The following GARRE1 variants were observed in gnomAD, a reference collection of about 807,000 sequenced individuals.
GARRE1 encodes the protein granule associated Rac and RHOG effector protein 1.
Under a neutral mutation model 103.2 loss-of-function variants are expected in GARRE1, and 49 were observed. The ratio of observed to expected loss-of-function variants is 0.47; its 90% CI spans 0.38 to 0.60. GARRE1 has a LOEUF of 0.60. Among genes scored for constraint, GARRE1 ranks in the 20% least tolerant of loss-of-function variants. GARRE1 has a pLI of 0.00. For missense variants in GARRE1, 1,199 were observed against 1,370.5 expected, an observed-to-expected ratio of 0.87 and a Z score of 1.98; for synonymous variants, 505 against 532.8, an observed-to-expected ratio of 0.95 and a Z score of 0.72.
chr19:34,332,117 G>A (rs2074140774), intron 7 of GARRE1, among the ~76,000 whole-genome samples: 1 of 152,102 alleles, frequency 6.6e-6, no homozygotes, highest in Non-Finnish European at 1.5e-5. Context: ...AGCTATTGAG[G>A]GTATACTGTC....
chr19:34,345,775 T>G (rs1049839530), intron 10 of GARRE1, among the ~76,000 whole-genome samples: 2 of 152,218 alleles, frequency 1.3e-5, no homozygotes. Context: ...TGAGCTGAGA[T>G]CACGCCACTG....
At chr19:34,351,380 A>G in intron 12 of GARRE1, 134 bp from the exon 13 acceptor site, 2 of 680,950 alleles carry the variant, frequency 2.9e-6, no homozygotes, top group Non-Finnish European at 5.3e-6. Context: ...CCTTTATGCC[A>G]TTGACCCAGG....
chr19:34,300,356 C>G lies in GARRE1; in HGVS notation c.-118C>G, dbSNP rs1267945880. 6.6e-6 allele frequency: 8 copies of G among 1,205,434 alleles called. No individual in the cohort carries two copies. The highest frequency in any genetic ancestry group is 8.0e-6 in the Non-Finnish European group (7 of 871,628). 74.7% of individuals were successfully genotyped at this position (1,205,434 alleles called of 1,614,324 possible). On this transcript the variant is annotated 5_prime_UTR_variant, in exon 2 of 14. Transcript: ENST00000299505. ...CATGGTCACCTGCCTCATGGAAATG[C>G]CTTTTTTAAAACTTCGATTTGCAGA...
chr19:34,343,044 A>G (rs2074194652), intron 10 of GARRE1, among the ~76,000 whole-genome samples: 1 of 152,240 alleles, frequency 6.6e-6, no homozygotes, highest in South Asian at 2.1e-4. Flanking sequence ...AAAGAAAAAT[A>G]GAGTAGAAAT....
At chr19:34,315,763 G>A (rs1046059927) in intron 2 of GARRE1, among the ~76,000 whole-genome samples, 1 of 149,270 alleles carries the variant, frequency 6.7e-6, no homozygotes, top group African/African-American at 2.5e-5. Flanking sequence ...AAATGGGAAG[G>A]CCTTAAATTA....
intron 10 of GARRE1, among the ~76,000 whole-genome samples, chr19:34,346,415 G>T (rs1194804495): frequency 6.6e-6 from 1 of 152,086 alleles, no homozygotes; most frequent in Non-Finnish European, 1.5e-5. Context: ...AAGATGTTCA[G>T]ATGGAATGAG....
chr19:34,307,690 TATATATACATATATAC>T (rs1427922638), intron 2 of GARRE1, among the ~76,000 whole-genome samples: 7 of 50,738 alleles, frequency 1.4e-4, no homozygotes, highest in African/African-American at 2.5e-4. Flanking sequence ...CATATATACT[TATATATACATATATAC>T]TTATATATAT....
chr19:34,291,168 A>G (rs138589430), intron 1 of GARRE1, among the ~76,000 whole-genome samples: 1,821 of 152,116 alleles, frequency 0.012, 95 homozygotes, highest in Admixed American at 0.09. Context: ...TCAGCCTCCC[A>G]AAGTGCTGGG....
At chr19:34,337,794 A>C (rs1237467698) in intron 8 of GARRE1, among the ~76,000 whole-genome samples, 2 of 152,246 alleles carry the variant, frequency 1.3e-5, no homozygotes, top group Non-Finnish European at 2.9e-5. Flanking sequence ...AATTATCATC[A>C]CCAGGAGCTG....
chr19:34,338,079 T>C (rs1464768380), intron 8 of GARRE1, among the ~76,000 whole-genome samples: 3 of 152,198 alleles, frequency 2.0e-5, no homozygotes, highest in Non-Finnish European at 4.4e-5. Context: ...TTTCATTCTC[T>C]GATATATTTC....
chr19:34,308,897 A>G (rs140298342), intron 2 of GARRE1, among the ~76,000 whole-genome samples: 1 of 152,274 alleles, frequency 6.6e-6, no homozygotes, highest in East Asian at 1.9e-4. Context: ...TGGAGGATGA[A>G]ACCATTTGTT....
At position 34,320,039 on chromosome 19, in the gene GARRE1, A is replaced by G; in HGVS notation, c.628A>G (p.Ser210Gly). 1 of 1,614,220 alleles carries G rather than the reference A, an allele frequency of 6.2e-7. No individual in the cohort carries two copies. Among genetic ancestry groups the G allele is most frequent in the Non-Finnish European group, 8.5e-7 (1 of 1,180,042 alleles). The change falls in exon 3 of 14, where the codon AGT (serine) becomes GGT (glycine). Residue 210 changes from serine (S) to glycine (G), a missense_variant. Ser to Gly is a moderately conservative substitution (Grantham distance 56). Coordinates refer to ENST00000299505, the MANE Select transcript of GARRE1 (RefSeq NM_014686.5). The part of the protein sequence containing the change: ...VIVPEKKNSG[S>G]GGGLSGMGHT... The stretch of plus-strand genomic sequence containing the variant: ...CGTGCCAGAAAAAAAGAACAGCGGC[A>G]GTGGCGGCGGCTTATCTGGCATGGG...
chr19:34,303,231 A>T (rs941366352), intron 2 of GARRE1, among the ~76,000 whole-genome samples: 8 of 152,168 alleles, frequency 5.3e-5, no homozygotes, highest in Non-Finnish European at 1.5e-5. Flanking sequence ...CTGTTCAGAG[A>T]GTTAATCTGA....
chr19:34,270,833 A>G lies in GARRE1; in HGVS notation c.-796+16219A>G, dbSNP rs540988524. Among the ~76,000 whole-genome samples the G allele has an allele frequency of 5.3e-5, 8 of 152,310 alleles. No individual in the cohort carries two copies. In the South Asian group the frequency reaches 1.5e-3, roughly 28 times the overall value. ...AAGCATTAGTTTATCGGAGATTCTT[A>G]AGAGCTGCACTGTTGACATTTTGGG... is the stretch of plus-strand genomic sequence containing the variant. On this transcript the variant is annotated intron_variant, in intron 1 of 13. Transcript: ENST00000299505.
chr19:34,320,904 A>G (rs1042391823), intron 3 of GARRE1, among the ~76,000 whole-genome samples: 1 of 117,186 alleles, frequency 8.5e-6, no homozygotes, highest in Non-Finnish European at 1.7e-5. Flanking sequence ...TATTATTATT[A>G]CTTTTTTTTT....
intron 1 of GARRE1, among the ~76,000 whole-genome samples, chr19:34,293,568 G>T (rs1239428244): frequency 6.6e-6 from 1 of 151,136 alleles, no homozygotes; most frequent in East Asian, 2.0e-4. Flanking sequence ...GTTAATTTTT[G>T]TATGTTTTTG....
At position 34,355,067 on chromosome 19, in the gene GARRE1, T is replaced by C. The variant is rs1402440972; in HGVS notation, c.*2112T>C. ...TAGTTTTCTATTTCCTTCAGTAATGTGTCCACAGTACCCTGTATTTCGAGT... is the reference window on the plus strand; with the variant it reads ...TAGTTTTCTATTTCCTTCAGTAATGCGTCCACAGTACCCTGTATTTCGAGT... On this transcript the variant is annotated 3_prime_UTR_variant, in exon 14 of 14. Coordinates refer to ENST00000299505, the MANE Select transcript of GARRE1 (RefSeq NM_014686.5). The C allele has an allele frequency of 6.5e-6, 1 of 152,678 alleles. No individual in the cohort carries two copies. The highest frequency in any genetic ancestry group is 6.5e-5 in the Admixed American group (1 of 15,278). 9.5% of individuals were successfully genotyped at this position (152,678 alleles called of 1,614,324 possible).
intron 1 of GARRE1, among the ~76,000 whole-genome samples, chr19:34,289,111 G>A (rs773819070): frequency 6.6e-6 from 1 of 151,180 alleles, no homozygotes; most frequent in Non-Finnish European, 1.5e-5. Context: ...TCCAGCCTGG[G>A]CAACAGAGCA....
intron 1 of GARRE1, among the ~76,000 whole-genome samples, chr19:34,297,641 C>T (rs1370379735): frequency 1.3e-5 from 2 of 152,192 alleles, no homozygotes; most frequent in African/African-American, 2.4e-5. Context: ...AGAGTCTCCA[C>T]GGGAACAGCC....
Sources: gnomAD v4.1 joint callset for allele counts (sites outside exome capture counted in the v4.1 genomes callset) on GRCh38, gnomAD v4.1.1 for gene constraint, MANE v1.5 for transcripts, NCBI Gene and HGNC (gene_info 2026-07-23, HGNC 2026-07-21) for gene names.